The following KIDINS220 variants were observed in gnomAD, a reference collection of about 807,000 sequenced individuals.
The protein encoded by KIDINS220 is kinase D interacting substrate 220, also known as kinase D-interacting substrate of 220 kDa.
Under a neutral mutation model 157.6 loss-of-function variants are expected in KIDINS220, and 63 were observed. That is an observed-to-expected ratio of 0.40 (90% CI 0.33 to 0.49). KIDINS220 has a LOEUF of 0.49. Among genes scored for constraint, KIDINS220 ranks in the 20% least tolerant of loss-of-function variants. The pLI, the probability that KIDINS220 is intolerant of heterozygous loss-of-function variation, is 0.66. For synonymous variants in KIDINS220, 732 were observed against 783.6 expected (o/e 0.93, Z 1.10); for missense variants, 1,772 against 2,171.2 (o/e 0.82, Z 3.65).
At position 8,729,125 on chromosome 2, in the gene KIDINS220, G is replaced by A; in HGVS notation, c.*1595C>T. 3 of 983,724 alleles carry A rather than the reference G, an allele frequency of 3.0e-6. No individual in the cohort carries two copies. Among genetic ancestry groups the A allele is most frequent in the Non-Finnish European group, 3.6e-6 (3 of 828,062 alleles). The allele number at this position is 983,724 out of a possible 1,614,324, so 60.9% of individuals were successfully genotyped here. On this transcript the variant is annotated 3_prime_UTR_variant, in exon 30 of 30. Transcript: ENST00000256707. Reference sequence around the variant, plus strand: ...AGCACTATAAATGTTAAAATGTTAAGACTTCAGTGTATAATGTCAATAACA... The same window carrying A: ...AGCACTATAAATGTTAAAATGTTAAAACTTCAGTGTATAATGTCAATAACA...
chr2:8,769,505 G>A (rs1275467742), intron 22 of KIDINS220, among the ~76,000 whole-genome samples: 2 of 152,180 alleles, frequency 1.3e-5, no homozygotes, highest in Admixed American at 1.3e-4. Context: ...GAGGATAGAT[G>A]AGAGTGTCAA....
In KIDINS220 at chr2:8,779,800, T is replaced by C; in HGVS notation, c.2244A>G (p.Glu748=). Residue 748 remains glutamate, a synonymous_variant, in exon 18 of 30, where the codon GAA becomes GAG. Coordinates refer to ENST00000256707, the MANE Select transcript of KIDINS220 (RefSeq NM_020738.4). Reference sequence around the variant, plus strand: ...TTGCCATCCTGGCCATCAATTCCACTTCACATTTAAGAACCTGTATTGCAA... The same window carrying C: ...TTGCCATCCTGGCCATCAATTCCACCTCACATTTAAGAACCTGTATTGCAA... ...SEGFMKVLKC[E]VELMARMAKT... is the part of the protein sequence containing the mutation. The C allele has an allele frequency of 1.2e-6, 2 of 1,614,116 alleles. No homozygotes were observed. Among genetic ancestry groups the C allele is most frequent in the Non-Finnish European group, 1.7e-6 (2 of 1,179,980 alleles).
chr2:8,792,096 C>G (rs1447084750), intron 12 of KIDINS220, among the ~76,000 whole-genome samples: 2 of 151,830 alleles, frequency 1.3e-5, no homozygotes, highest in Non-Finnish European at 2.9e-5. Context: ...ACCTCATAGC[C>G]TCAACAAAAT....
At chr2:8,796,157 A>G (rs1202387043) in intron 11 of KIDINS220, among the ~76,000 whole-genome samples, 3 of 152,226 alleles carry the variant, frequency 2.0e-5, no homozygotes, top group Admixed American at 1.3e-4. Context: ...CATTCATCAG[A>G]GGAGAAAATT....
chr2:8,818,727 T>TAC lies in KIDINS220; in HGVS notation c.174_175insGT (p.Lys59ValfsTer30). On this transcript the variant is annotated frameshift_variant, in exon 3 of 30. Transcript: ENST00000256707. LOFTEE classifies it high-confidence loss of function. Reference sequence around the variant, plus strand: ...TCCAGATTGCAGTTAGCTCCATTCTTAATTAATTCCTTCACTATTTCCAGA... The same window carrying TAC: ...TCCAGATTGCAGTTAGCTCCATTCTTACAATTAATTCCTTCACTATTTCCAGA... The TAC allele has an allele frequency of 6.2e-7, 1 of 1,606,174 alleles. No individual in the cohort carries two copies. The highest frequency in any genetic ancestry group is 8.5e-7 in the Non-Finnish European group (1 of 1,173,880).
chr2:8,775,307 T>C (rs1670817209), intron 21 of KIDINS220, among the ~76,000 whole-genome samples: 1 of 152,200 alleles, frequency 6.6e-6, no homozygotes, highest in Non-Finnish European at 1.5e-5. Context: ...AGATGGCATT[T>C]AAGCCTTTCA....
intron 21 of KIDINS220, among the ~76,000 whole-genome samples, chr2:8,773,891 T>A (rs1670576214): frequency 6.6e-6 from 1 of 152,188 alleles, no homozygotes; most frequent in Admixed American, 6.5e-5. Flanking sequence ...CTCTTCCTCC[T>A]GTTAAGATGC....
chr2:8,830,620 T>C (rs1257033106), intron 1 of KIDINS220, among the ~76,000 whole-genome samples: 2 of 152,214 alleles, frequency 1.3e-5, no homozygotes, highest in Non-Finnish European at 2.9e-5. Flanking sequence ...AGTTTCACCA[T>C]GTTGCCCAGG....
chr2:8,783,839 G>A (rs924623806), intron 17 of KIDINS220, among the ~76,000 whole-genome samples: 1 of 152,160 alleles, frequency 6.6e-6, no homozygotes, highest in African/African-American at 2.4e-5. Flanking sequence ...GATATTCCAT[G>A]TTCATGGGTA....
chr2:8,759,432 C>T (rs557448138), intron 22 of KIDINS220, among the ~76,000 whole-genome samples: 1 of 151,300 alleles, frequency 6.6e-6, no homozygotes, highest in East Asian at 1.9e-4. Context: ...TTGGCCAGAA[C>T]ATCAGGGCCC....
chr2:8,730,554 C>G lies in KIDINS220; in HGVS notation c.*166G>C. The G allele has an allele frequency of 7.0e-7, 1 of 1,431,930 alleles. No individual in the cohort carries two copies. The highest frequency in any genetic ancestry group is 1.6e-5 in the South Asian group (1 of 64,120). 88.7% of individuals were successfully genotyped at this position (1,431,930 alleles called of 1,614,324 possible). A position where few individuals can be genotyped will look rare whatever the true frequency, so the allele number is the denominator to read the frequency against. On this transcript the variant is annotated 3_prime_UTR_variant, in exon 30 of 30. Coordinates refer to ENST00000256707, the MANE Select transcript of KIDINS220 (RefSeq NM_020738.4). ...AGGCTGGCTGGTGAGCCATGCTTCT[C>G]ATGCTCCCTTCTGTCACACTGCAGA...
At chr2:8,783,259 C>T (rs1035507269) in intron 17 of KIDINS220, among the ~76,000 whole-genome samples, 4 of 150,028 alleles carry the variant, frequency 2.7e-5, no homozygotes, top group Non-Finnish European at 4.4e-5. Context: ...TTAGATAAAG[C>T]AAAAGCATTT....
chr2:8,763,237 A>C (rs1485936913), intron 22 of KIDINS220, among the ~76,000 whole-genome samples: 1 of 152,206 alleles, frequency 6.6e-6, no homozygotes, highest in African/African-American at 2.4e-5. Flanking sequence ...TACAGCTGTG[A>C]GGTCTTAGGT....
downstream of KIDINS220, chr2:8,728,816 A>T (rs1663630877): frequency 5.1e-6 from 5 of 982,038 alleles, no homozygotes; most frequent in Middle Eastern, 5.2e-4. Flanking sequence ...ACTGTACATG[A>T]ACCTGAAAGT....
Position 8,734,708 on chromosome 2 carries a change from G to A in KIDINS220, c.3763C>T (p.Leu1255=). The A allele has an allele frequency of 6.2e-7, 1 of 1,613,466 alleles. No individual in the cohort carries two copies. The highest frequency in any genetic ancestry group is 8.5e-7 in the Non-Finnish European group (1 of 1,179,798). The change falls in exon 28 of 30, where the codon CTG becomes TTG. Residue 1255 remains leucine (L), a synonymous_variant. Transcript: ENST00000256707. ...AAATTCATATTCATCTCTTTCTTCA[G>A]CTCATCAATGTTACACTGAGCTAAC... ...RVLAQCNIDE[L]KKEMNMNFGD...
intron 12 of KIDINS220, among the ~76,000 whole-genome samples, chr2:8,792,026 T>C (rs1446655616): frequency 6.6e-6 from 1 of 152,138 alleles, no homozygotes; most frequent in African/African-American, 2.4e-5. Context: ...AAGGATGAAT[T>C]AGTAAGTGGT....
chr2:8,757,195 TTG>T (rs1668119506), intron 22 of KIDINS220: 1 of 923,252 alleles, frequency 1.1e-6, no homozygotes, highest in South Asian at 5.0e-5. Context: ...AAAATAGGGT[TTG>T]TTTTTTCCCA....
chr2:8,775,775 G>A lies in KIDINS220; in HGVS notation c.2848+973C>T, dbSNP rs148581869. ...AAGAGCAGCTTTTCTTGGGAAGGGA[G>A]CAACAATCTGTGTGTTGATGGGAGT... On this transcript the variant is annotated intron_variant, in intron 21 of 29. Coordinates refer to ENST00000256707, the MANE Select transcript of KIDINS220 (RefSeq NM_020738.4). Among the ~76,000 whole-genome samples the A allele has an allele frequency of 4.6e-5, 7 of 152,268 alleles. No individual in the cohort carries two copies. The East Asian group carries it at 1.3e-3, about 29-fold the overall frequency.
chr2:8,790,047 G>A lies in KIDINS220; in HGVS notation c.1454C>T (p.Thr485Ile), dbSNP rs1672983487. The change falls in exon 14 of 30, where the codon ACC becomes ATC. Residue 485 changes from threonine (T) to isoleucine (I), a missense_variant. Transcript: ENST00000256707. ...AGGCTCAATCTGTTGTCCGGCGAAG[G>A]TTTTCATTTCGTCTGAAAGAGAATT... ...LLKKLEDEMK[T>I]FAGQQIEPLF... 3.8e-6 allele frequency: 6 copies of A among 1,589,130 alleles called. No homozygotes were observed. Among genetic ancestry groups the A allele is most frequent in the Non-Finnish European group, 4.3e-6 (5 of 1,173,792 alleles).
Sources: allele counts gnomAD v4.1 joint callset (sites outside exome capture counted in the v4.1 genomes callset), GRCh38; gene constraint gnomAD v4.1.1; transcripts MANE v1.5; gene names NCBI Gene and HGNC (gene_info 2026-07-23, HGNC 2026-07-21).